The following NRXN1 variants were observed in gnomAD, a reference collection of about 807,000 sequenced individuals.
NRXN1 encodes the protein neurexin-1.
A neutral mutation model predicts 150.9 loss-of-function variants in NRXN1; 39 were observed. The ratio of observed to expected loss-of-function variants is 0.26; its 90% confidence interval spans 0.20 to 0.34. The LOEUF is 0.34. Among genes scored for constraint, NRXN1 ranks in the 10% least tolerant of loss-of-function variants. The probability of loss-of-function intolerance (pLI) is 1.00; values close to 1 mark genes in which losing one functional copy is unlikely to be tolerated. For missense variants in NRXN1, 1,815 were observed against 1,949.9 expected (o/e 0.93, Z 1.30); for synonymous variants, 924 against 757.0 (o/e 1.22, Z -3.62).
chr2:50,359,563 G>T (rs1196169575), intron 17 of NRXN1, among the ~76,000 whole-genome samples: 1 of 151,690 alleles, frequency 6.6e-6, no homozygotes, highest in Non-Finnish European at 1.5e-5. Flanking sequence ...AGAGAAAAAA[G>T]AATGAAAAGG....
chr2:50,680,959 C>A (rs974008755), intron 5 of NRXN1, among the ~76,000 whole-genome samples: 4 of 152,042 alleles, frequency 2.6e-5, no homozygotes, highest in African/African-American at 7.2e-5. Context: ...TCTAACACTA[C>A]AATAATAATA....
intron 12 of NRXN1, among the ~76,000 whole-genome samples, chr2:50,523,359 AC>A (rs1407507572): frequency 2.6e-5 from 4 of 152,126 alleles, no homozygotes; most frequent in Non-Finnish European, 5.9e-5. Context: ...GCAGAACTCC[AC>A]AAATCAAGTG....
chr2:50,473,473 T>C (rs1177819216), intron 15 of NRXN1, among the ~76,000 whole-genome samples: 2 of 152,038 alleles, frequency 1.3e-5, no homozygotes, highest in Admixed American at 1.3e-4. Flanking sequence ...TAGTAAACAT[T>C]TAATCAATGT....
At chr2:50,995,464 G>T (rs1004776890) in intron 2 of NRXN1, among the ~76,000 whole-genome samples, 4 of 151,940 alleles carry the variant, frequency 2.6e-5, no homozygotes, top group Admixed American at 6.6e-5. Flanking sequence ...AATTATCCTG[G>T]TGTGGCAGTG....
intron 5 of NRXN1, among the ~76,000 whole-genome samples, chr2:50,815,524 T>C (rs925919299): frequency 6.6e-6 from 1 of 152,184 alleles, no homozygotes; most frequent in Non-Finnish European, 1.5e-5. Flanking sequence ...GGTATTTTTT[T>C]ATTTCTATTT....
At chr2:50,984,492 G>C (rs1188705603) in intron 2 of NRXN1, among the ~76,000 whole-genome samples, 1 of 151,852 alleles carries the variant, frequency 6.6e-6, no homozygotes, top group Non-Finnish European at 1.5e-5. Flanking sequence ...TAATATATGT[G>C]CCTACTATAT....
In NRXN1 at chr2:49,921,742, GT is replaced by G; in HGVS notation, c.*201del. The stretch of plus-strand genomic sequence containing the variant: ...GATGTTAGGGAATTTATTGGCCCCT[GT>G]TTTTTGTTTTTTGTTTTTCTTTTTT... On this transcript the variant is annotated 3_prime_UTR_variant, in exon 23 of 23. Coordinates refer to ENST00000401669, the MANE Select transcript of NRXN1 (RefSeq NM_001330078.2). 2 of 587,200 alleles carry G rather than the reference GT, an allele frequency of 3.4e-6. No individual in the cohort carries two copies. Among genetic ancestry groups the G allele is most frequent in the Non-Finnish European group, 5.9e-6 (2 of 340,842 alleles). The allele number at this position is 587,200 out of a possible 1,614,324, so 36.4% of individuals were successfully genotyped here. A position where few individuals can be genotyped will look rare whatever the true frequency, so the allele number is the denominator to read the frequency against.
At chr2:50,211,260 AAC>A (rs147331879) in intron 18 of NRXN1, among the ~76,000 whole-genome samples, 8,561 of 151,766 alleles carry the variant, frequency 0.056, 286 homozygotes, top group Middle Eastern at 0.11. Context: ...TTCAGTGAAA[AAC>A]ACACATGCAC....
chr2:50,058,972 T>C (rs1444152869), intron 19 of NRXN1, among the ~76,000 whole-genome samples: 2 of 152,128 alleles, frequency 1.3e-5, no homozygotes, highest in Non-Finnish European at 2.9e-5. Flanking sequence ...AGTATGAAAA[T>C]AGACTAATAT....
rs144587187 is a variant in NRXN1 at position 50,731,173 on chromosome 2, C to T, written c.833-107558G>A. Among the ~76,000 whole-genome samples the T allele has an allele frequency of 2.3e-3, 345 of 152,226 alleles. 3 individuals are homozygous for T. The highest frequency in any genetic ancestry group is 7.8e-3 in the African/African-American group (323 of 41,526). On this transcript the variant is annotated intron_variant, in intron 5 of 22. Transcript: ENST00000401669. ...CAATGAAATTAAAGTTTGGCTATTA[C>T]TTTCACATAATACATATTATTCTTC...
At chr2:50,000,330 T>C (rs1683698907) in intron 21 of NRXN1, among the ~76,000 whole-genome samples, 1 of 152,134 alleles carries the variant, frequency 6.6e-6, no homozygotes, top group African/African-American at 2.4e-5. Flanking sequence ...ATTTGTGTAA[T>C]AAAAAGAAAT....
intron 8 of NRXN1, chr2:50,619,553 C>A (rs1474519915): frequency 1.6e-5 from 3 of 189,798 alleles, no homozygotes; most frequent in African/African-American, 4.6e-5. Context: ...AAAATTATGT[C>A]ATTATATAGA....
chr2:50,234,929 G>T (rs2065278044), intron 18 of NRXN1, among the ~76,000 whole-genome samples: 1 of 152,070 alleles, frequency 6.6e-6, no homozygotes, highest in Admixed American at 6.6e-5. Context: ...ACTTATGACA[G>T]GACCCTAAGA....
chr2:49,995,861 T>TAAAAAA (rs60974625), intron 21 of NRXN1, among the ~76,000 whole-genome samples: 3 of 66,166 alleles, frequency 4.5e-5, no homozygotes, highest in African/African-American at 1.1e-4. Context: ...TGCTGGATAG[T>TAAAAAA]AAAAAAAAAA....
At chr2:50,219,999 TATTATATA>T (rs1214765443) in intron 18 of NRXN1, among the ~76,000 whole-genome samples, 3 of 39,256 alleles carry the variant, frequency 7.6e-5, no homozygotes, top group African/African-American at 3.6e-4. Flanking sequence ...ATATAATATA[TATTATATA>T]ATATATTATA....
At chr2:50,466,712 T>A (rs1268371307) in intron 16 of NRXN1, among the ~76,000 whole-genome samples, 1 of 151,698 alleles carries the variant, frequency 6.6e-6, no homozygotes, top group African/African-American at 2.4e-5. Context: ...TACATATGTA[T>A]ATATATAATG....
intron 18 of NRXN1, among the ~76,000 whole-genome samples, chr2:50,140,343 A>C (rs1219948456): frequency 6.6e-6 from 1 of 152,112 alleles, no homozygotes; most frequent in African/African-American, 2.4e-5. Context: ...ATTTTTCAGA[A>C]CCTGACCATG....
chr2:50,159,074 TTTGTTG>T (rs35066147), intron 18 of NRXN1, among the ~76,000 whole-genome samples: 47 of 151,838 alleles, frequency 3.1e-4, no homozygotes, highest in Admixed American at 3.9e-4. Flanking sequence ...TGAAAGTCTC[TTTGTTG>T]TTGTTGTTGT....
intron 5 of NRXN1, among the ~76,000 whole-genome samples, chr2:50,905,991 G>C (rs573748865): frequency 6.6e-6 from 1 of 152,124 alleles, no homozygotes; most frequent in South Asian, 2.1e-4. Flanking sequence ...ACAAATTTTG[G>C]AATATGTGCA....
Sources: allele counts gnomAD v4.1 joint callset (sites outside exome capture counted in the v4.1 genomes callset), GRCh38; gene constraint gnomAD v4.1.1; transcripts MANE v1.5; gene names NCBI Gene and HGNC (gene_info 2026-07-23, HGNC 2026-07-21).